Variants in SP3 observed in about 807,000 individuals in gnomAD.
SP3 encodes the protein transcription factor Sp3.
A neutral mutation model predicts 70.3 loss-of-function variants in SP3; 10 were observed. The ratio of observed to expected loss-of-function variants is 0.14; its 90% confidence interval spans 0.09 to 0.24. The LOEUF (loss-of-function observed/expected upper bound fraction) is 0.24, where lower values mean the gene tolerates loss of function less well. Ranked by LOEUF, SP3 falls within the 10% of genes least tolerant of loss-of-function variation. The pLI is 1.00. For synonymous variants in SP3, 402 were observed against 333.5 expected (o/e 1.21, Z -2.24); for missense variants, 825 against 914.6 (o/e 0.90, Z 1.26).
At chr2:173,950,614 T>A (rs1690683442) in intron 4 of SP3, among the ~76,000 whole-genome samples, 1 of 147,574 alleles carries the variant, frequency 6.8e-6, no homozygotes, top group Admixed American at 6.9e-5. Context: ...TGCGTTATAA[T>A]CATGCCACTG....
At chr2:173,923,647 TTATC>T (rs1238079793) in intron 4 of SP3, among the ~76,000 whole-genome samples, 1 of 152,086 alleles carries the variant, frequency 6.6e-6, no homozygotes, top group Non-Finnish European at 1.5e-5. Flanking sequence ...AAATGAGACA[TTATC>T]TTTTATCAAT....
At chr2:173,949,393 A>C (rs987994085) in intron 4 of SP3, among the ~76,000 whole-genome samples, 3 of 152,118 alleles carry the variant, frequency 2.0e-5, no homozygotes, top group Non-Finnish European at 2.9e-5. Context: ...AAATAAAAAT[A>C]ACCAAAAAAA....
intron 4 of SP3, among the ~76,000 whole-genome samples, chr2:173,934,132 C>T (rs10201418): frequency 0.33 from 50,099 of 151,610 alleles, 8,795 homozygotes; most frequent in Non-Finnish European, 0.38. Context: ...CCCACCTACT[C>T]AGGTGGCTAA....
At chr2:173,910,569 C>T (rs112633027) in intron 6 of SP3, among the ~76,000 whole-genome samples, 4 of 152,184 alleles carry the variant, frequency 2.6e-5, no homozygotes, top group South Asian at 2.1e-4. Flanking sequence ...TGTTAAGATG[C>T]CAGCTAAAAA....
At chr2:173,927,812 T>C (rs917828335) in intron 4 of SP3, among the ~76,000 whole-genome samples, 2 of 152,226 alleles carry the variant, frequency 1.3e-5, no homozygotes, top group Non-Finnish European at 2.9e-5. Flanking sequence ...TTATTTAAGA[T>C]AGTTATGATA....
At chr2:173,964,910 A>C (rs1691243295) in intron 1 of SP3, 3 of 493,628 alleles carry the variant, frequency 6.1e-6, no homozygotes, top group African/African-American at 2.1e-5. Context: ...GCCCGCACAC[A>C]GGGGGATGCG....
rs138901484 is a variant in SP3, at chr2:173,956,619, G to T, written c.280-387C>A. Among the ~76,000 whole-genome samples, 943 of 152,260 alleles carry T rather than the reference G, an allele frequency of 6.2e-3. 11 individuals carry two copies. Among genetic ancestry groups the T allele is most frequent in the African/African-American group, 0.021 (880 of 41,528 alleles). On this transcript the variant is annotated intron_variant, in intron 3 of 6. Coordinates refer to ENST00000310015, the MANE Select transcript of SP3 (RefSeq NM_003111.5). ...AGGAAACATAAGCATAGTGTATTAA[G>T]TCATCCGACTTAGAAAAGATTTATT...
chr2:173,928,261 C>T (rs956244529), intron 4 of SP3, among the ~76,000 whole-genome samples: 1 of 152,192 alleles, frequency 6.6e-6, no homozygotes, highest in Admixed American at 6.5e-5. Flanking sequence ...TGCTTCAGTA[C>T]AGGAAATTTC....
intron 3 of SP3, chr2:173,963,121 T>A (rs1466892553): frequency 6.6e-6 from 1 of 152,176 alleles, no homozygotes; most frequent in African/African-American, 2.4e-5. Context: ...AAGTACTATC[T>A]AAGCAACTTG....
At chr2:173,952,498 T>A (rs945060250) in intron 4 of SP3, among the ~76,000 whole-genome samples, 2 of 152,138 alleles carry the variant, frequency 1.3e-5, no homozygotes, top group African/African-American at 4.8e-5. Flanking sequence ...TGTAAAACGG[T>A]ATGGTCTCTT....
chr2:173,923,886 GTATTATAAAGTTTCAT>G (rs1689833097), intron 4 of SP3, among the ~76,000 whole-genome samples: 1 of 151,906 alleles, frequency 6.6e-6, no homozygotes, highest in African/African-American at 2.4e-5. Flanking sequence ...AATATCTCAT[GTATTATAAAGTTTCAT>G]TATTCCTCAG....
At position 173,956,203 on chromosome 2, in the gene SP3, T is replaced by C. The variant is rs778116897; in HGVS notation, c.309A>G (p.Gly103=). ...AAACCTCCCATCGGTTTGGTGCTCCTCCTAACTGTGCAGAAGCCAAATCAC... is the reference window on the plus strand; with the variant it reads ...AAACCTCCCATCGGTTTGGTGCTCCCCCTAACTGTGCAGAAGCCAAATCAC... ...ATGDLASAQL[G]GAPNRWEVLS... Residue 103 remains glycine (G), a synonymous_variant, in exon 4 of 7, where the codon GGA becomes GGG. Coordinates refer to ENST00000310015, the MANE Select transcript of SP3 (RefSeq NM_003111.5). 3.2e-5 allele frequency: 52 copies of C among 1,610,468 alleles called. No homozygotes were observed. Among genetic ancestry groups the C allele is most frequent in the South Asian group, 2.2e-4 (20 of 90,940 alleles).
intron 2 of SP3, 38 bp downstream of exon 2, chr2:173,964,367 C>G (rs2105510344): frequency 1.5e-6 from 1 of 656,556 alleles, no homozygotes; most frequent in Non-Finnish European, 2.7e-6. Flanking sequence ...GAAAGCGGCG[C>G]GAGGGGGGAG....
Position 173,908,836 on chromosome 2 carries a change from G to A in SP3, c.*1105C>T, listed in dbSNP as rs1689396668. On this transcript the variant is annotated 3_prime_UTR_variant, in exon 7 of 7. Coordinates refer to ENST00000310015, the MANE Select transcript of SP3 (RefSeq NM_003111.5). ...ATACGCTTCTCAATTAAATGTACTG[G>A]ATACATATAAATTTTAAGGGAAGAA... 1 of 150,064 alleles carries A rather than the reference G, an allele frequency of 6.7e-6. No individual in the cohort carries two copies. The highest frequency in any genetic ancestry group is 1.5e-5 in the Non-Finnish European group (1 of 67,510). The allele number at this position is 150,064 out of a possible 1,614,324, so 9.3% of individuals were successfully genotyped here.
At chr2:173,946,666 CTGAA>C (rs1690548080) in intron 4 of SP3, among the ~76,000 whole-genome samples, 1 of 150,740 alleles carries the variant, frequency 6.6e-6, no homozygotes, top group Non-Finnish European at 1.5e-5. Context: ...TCTCAGCACT[CTGAA>C]TGTTACTCCA....
chr2:173,917,592 T>A (rs1293481138), intron 5 of SP3, among the ~76,000 whole-genome samples: 1 of 152,144 alleles, frequency 6.6e-6, no homozygotes, highest in African/African-American at 2.4e-5. Flanking sequence ...AAAAGCTCTA[T>A]TAGATCAAGT....
Position 173,904,848 on chromosome 2 carries a change from T to G in SP3, c.*5093A>C, listed in dbSNP as rs565621088. Reference sequence around the variant, plus strand: ...ATTAATCGGAGGCTTAGACTTTTTTTTGTGGGGGAAGGATGGAGGGGAGAA... The same window carrying G: ...ATTAATCGGAGGCTTAGACTTTTTTGTGTGGGGGAAGGATGGAGGGGAGAA... On this transcript the variant is annotated 3_prime_UTR_variant, in exon 7 of 7. Coordinates refer to ENST00000310015, the MANE Select transcript of SP3 (RefSeq NM_003111.5). Among the ~76,000 whole-genome samples, 1 of 152,298 alleles carries G rather than the reference T, an allele frequency of 6.6e-6. No individual in the cohort carries two copies. Among genetic ancestry groups the G allele is most frequent in the East Asian group, 1.9e-4 (1 of 5,182 alleles).
chr2:173,961,438 T>G (rs751015065), intron 3 of SP3, among the ~76,000 whole-genome samples: 25 of 152,162 alleles, frequency 1.6e-4, no homozygotes, highest in Non-Finnish European at 3.5e-4. Context: ...CACAACAATA[T>G]ATATGCAATG....
In SP3 at chr2:173,965,053, A is replaced by G. The variant is rs910417431; in HGVS notation, c.7+112T>C. 3 of 1,393,866 alleles carry G rather than the reference A, an allele frequency of 2.2e-6. No homozygotes were observed. The African/African-American group carries it at 4.4e-5, about 20-fold the overall frequency. The allele number at this position is 1,393,866 out of a possible 1,614,324, so 86.3% of individuals were successfully genotyped here. ...GTGCAGCTTTCTGCCTCTCACAGAC[A>G]CTCGGTCGCACACACGGGGCCGAGA... On this transcript the variant is annotated intron_variant, in intron 1 of 6. Coordinates refer to ENST00000310015, the MANE Select transcript of SP3 (RefSeq NM_003111.5).
Sources: gnomAD v4.1 joint callset for allele counts (sites outside exome capture counted in the v4.1 genomes callset) on GRCh38, gnomAD v4.1.1 for gene constraint, MANE v1.5 for transcripts, NCBI Gene and HGNC (gene_info 2026-07-23, HGNC 2026-07-21) for gene names.